RNF4: variants seen among roughly 807,000 people sequenced by gnomAD.
RNF4 encodes the protein ring finger protein 4.
RNF4 carries 7 observed loss-of-function variants against 24.3 expected under a neutral mutation model. That is an observed-to-expected ratio of 0.29 (90% CI 0.16 to 0.54). The LOEUF (loss-of-function observed/expected upper bound fraction) is 0.54, where lower values mean the gene tolerates loss of function less well. Ranked by LOEUF, RNF4 falls within the 20% of genes least tolerant of loss-of-function variation. The pLI is 0.95. For synonymous variants in RNF4, 83 were observed against 84.3 expected, an observed-to-expected ratio of 0.98 and a Z score of 0.09; for missense variants, 209 against 248.5, an observed-to-expected ratio of 0.84 and a Z score of 1.07.
intron 4 of RNF4, chr4:2,505,065 A>T (rs1275801789): frequency 2.6e-5 from 4 of 151,926 alleles, no homozygotes; most frequent in Admixed American, 2.0e-4. Flanking sequence ...CAACTTTCGT[A>T]TATAAACTTT....
chr4:2,500,599 A>AG (rs1735880733), intron 3 of RNF4, 60 bp from the exon 4 acceptor site: 2 of 1,543,302 alleles, frequency 1.3e-6, no homozygotes, highest in Admixed American at 3.6e-5. Context: ...TAAAGTGTAG[A>AG]GGGATACAAC....
chr4:2,488,337 G>A (rs938540788), intron 1 of RNF4, among the ~76,000 whole-genome samples: 1 of 152,200 alleles, frequency 6.6e-6, no homozygotes, highest in Non-Finnish European at 1.5e-5. Context: ...GGTGGCACAT[G>A]CCTGTAGTCC....
chr4:2,495,640 G>GC lies in RNF4; in HGVS notation c.10-1367_10-1366insC, dbSNP rs1553878661. ...TCTGTTGGGAAGCTCTTTTTTTTTTGGGGGGGGGTGAGATGGAGATTTACT... is the reference window on the plus strand; with the variant it reads ...TCTGTTGGGAAGCTCTTTTTTTTTTGCGGGGGGGGTGAGATGGAGATTTACT... On this transcript the variant is annotated intron_variant, in intron 2 of 7. Coordinates refer to ENST00000314289, the MANE Select transcript of RNF4 (RefSeq NM_002938.5). 1.2e-4 allele frequency among the ~76,000 whole-genome samples: 3 copies of GC among 26,004 alleles called. No individual in the cohort carries two copies. In the South Asian group the frequency reaches 4.3e-3, roughly 37 times the overall value. 17.1% of individuals were successfully genotyped at this position (26,004 alleles called of 152,430 possible).
chr4:2,475,946 T>C (rs1188224513), intron 1 of RNF4, among the ~76,000 whole-genome samples: 1 of 152,228 alleles, frequency 6.6e-6, no homozygotes, highest in Non-Finnish European at 1.5e-5. Context: ...CTGCTTTTTT[T>C]GTGTGGTGGG....
Position 2,512,552 on chromosome 4 carries a change from C to T in RNF4, c.329C>T (p.Thr110Ile), listed in dbSNP as rs1736298555. ...LSRDRDVYVT[T>I]HTPRNARDEG... ...AGGGACAGAGACGTATATGTGACTA[C>T]CCATACTCCCAGAAACGCCAGGGAT... The change falls in exon 6 of 8, where the codon ACC (threonine) becomes ATC (isoleucine). Residue 110 changes from threonine (T) to isoleucine (I), a missense_variant. Coordinates refer to ENST00000314289, the MANE Select transcript of RNF4 (RefSeq NM_002938.5). The surrounding 1 kb of genome is among the most constrained non-coding windows in gnomAD (Gnocchi z 4.1). 3.7e-6 allele frequency: 6 copies of T among 1,613,912 alleles called. No homozygotes were observed. Among genetic ancestry groups the T allele is most frequent in the Non-Finnish European group, 5.1e-6 (6 of 1,179,838 alleles).
At chr4:2,500,202 A>T (rs1335485039) in intron 3 of RNF4, among the ~76,000 whole-genome samples, 1 of 151,496 alleles carries the variant, frequency 6.6e-6, no homozygotes, top group Non-Finnish European at 1.5e-5. Flanking sequence ...TTAACCGATG[A>T]AGTTACTAAG....
intron 1 of RNF4, among the ~76,000 whole-genome samples, chr4:2,471,899 A>G (rs555668601): frequency 6.6e-4 from 100 of 152,338 alleles, no homozygotes; most frequent in Non-Finnish European, 3.8e-4. Context: ...CTGTAATGTA[A>G]AAGTGTAAGG....
chr4:2,493,508 C>G (rs1394877236), intron 2 of RNF4, among the ~76,000 whole-genome samples: 1 of 151,934 alleles, frequency 6.6e-6, no homozygotes, highest in Admixed American at 6.6e-5. Context: ...CTGCTACAGG[C>G]TGGGCATGGT....
At chr4:2,474,553 G>A (rs1378150531) in intron 1 of RNF4, among the ~76,000 whole-genome samples, 1 of 152,148 alleles carries the variant, frequency 6.6e-6, no homozygotes. Flanking sequence ...TTATAACAAA[G>A]GATTTAGAAT....
intron 3 of RNF4, 25 bp from the exon 4 acceptor site, chr4:2,500,634 C>T (rs370948907): frequency 1.2e-5 from 20 of 1,610,418 alleles, no homozygotes; most frequent in South Asian, 7.7e-5. Context: ...AATCTTAATG[C>T]TTGTTGAAAT....
chr4:2,483,370 G>A (rs559186561), intron 1 of RNF4, among the ~76,000 whole-genome samples: 1 of 152,238 alleles, frequency 6.6e-6, no homozygotes, highest in African/African-American at 2.4e-5. Context: ...GTCCAAGGCT[G>A]TAGGGCTTAT....
chr4:2,478,954 A>G (rs1735165971), intron 1 of RNF4, among the ~76,000 whole-genome samples: 1 of 152,220 alleles, frequency 6.6e-6, no homozygotes, highest in African/African-American at 2.4e-5. Context: ...CCACCCAGTG[A>G]AAACAGCCGG....
intron 1 of RNF4, among the ~76,000 whole-genome samples, chr4:2,477,483 G>C (rs1470237454): frequency 6.6e-6 from 1 of 152,172 alleles, no homozygotes; most frequent in Non-Finnish European, 1.5e-5. Context: ...TACTTGGGAG[G>C]CTGAGGCAGG....
intron 4 of RNF4, among the ~76,000 whole-genome samples, chr4:2,511,301 G>T (rs1736266798): frequency 1.2e-5 from 1 of 86,256 alleles, no homozygotes; most frequent in Non-Finnish European, 2.4e-5. Flanking sequence ...CTTGCAGTCA[G>T]CACATGGTGT....
chr4:2,497,935 T>C (rs990757316), intron 3 of RNF4, among the ~76,000 whole-genome samples: 1 of 152,092 alleles, frequency 6.6e-6, no homozygotes, highest in African/African-American at 2.4e-5. Flanking sequence ...CACCCGGCCA[T>C]GCAAACTCGC....
At chr4:2,487,089 T>C (rs977281543) in intron 1 of RNF4, among the ~76,000 whole-genome samples, 3 of 152,140 alleles carry the variant, frequency 2.0e-5, no homozygotes, top group Non-Finnish European at 2.9e-5. Context: ...CTTCCCTGAA[T>C]GTCTGTTTAA....
chr4:2,494,227 A>G (rs548906677), intron 2 of RNF4, among the ~76,000 whole-genome samples: 3 of 152,278 alleles, frequency 2.0e-5, no homozygotes, highest in South Asian at 2.1e-4. Flanking sequence ...TACACTCACC[A>G]GTTGTTTTGC....
chr4:2,470,726 C>T (rs1202022472), intron 1 of RNF4, among the ~76,000 whole-genome samples: 1 of 152,086 alleles, frequency 6.6e-6, no homozygotes, highest in South Asian at 2.1e-4. Context: ...GCCAACCTTT[C>T]TGCTTGGAAT....
At chr4:2,502,841 CT>C (rs1215881607) in intron 4 of RNF4, among the ~76,000 whole-genome samples, 1 of 69,946 alleles carries the variant, frequency 1.4e-5, no homozygotes, top group Non-Finnish European at 2.7e-5. Flanking sequence ...AAGACTCTGT[CT>C]CAAAAAAAAA....
Sources: gnomAD v4.1 joint callset for allele counts (sites outside exome capture counted in the v4.1 genomes callset) on GRCh38, gnomAD v4.1.1 for gene constraint, Gnocchi (gnomAD v3.1) non-coding constraint, MANE v1.5 for transcripts, NCBI Gene and HGNC (gene_info 2026-07-23, HGNC 2026-07-21) for gene names.